The following GRID1 variants were observed in gnomAD, a reference collection of about 807,000 sequenced individuals.
GRID1 encodes glutamate receptor ionotropic, delta-1.
A neutral mutation model predicts 98.0 loss-of-function variants in GRID1; 28 were observed. That is an observed-to-expected ratio of 0.29 (90% CI 0.21 to 0.39). GRID1 has a LOEUF of 0.39. GRID1 is among the 10% of genes least tolerant of loss of function. The pLI is 1.00. For synonymous variants in GRID1, 553 were observed against 538.5 expected, an observed-to-expected ratio of 1.03 and a Z score of -0.37; for missense variants, 1,111 against 1,340.5, an observed-to-expected ratio of 0.83 and a Z score of 2.67.
chr10:86,364,197 T>C (rs1191361239), intron 1 of GRID1, 101 bp from the exon 2 acceptor site: 4 of 939,314 alleles, frequency 4.3e-6, no homozygotes, highest in Non-Finnish European at 6.5e-6. Context: ...GATTGCCGGG[T>C]GGTGGGAAGT....
chr10:85,937,526 G>A (rs761599648), intron 4 of GRID1, among the ~76,000 whole-genome samples: 2 of 152,200 alleles, frequency 1.3e-5, no homozygotes, highest in Non-Finnish European at 2.9e-5. Flanking sequence ...TCTGCTCAGA[G>A]TTCACCTTGT....
intron 2 of GRID1, among the ~76,000 whole-genome samples, chr10:86,207,787 ATG>A: frequency 6.6e-6 from 1 of 151,858 alleles, no homozygotes; most frequent in African/African-American, 2.4e-5. Flanking sequence ...ACGCGCCACC[ATG>A]CCCGGCTAAT....
At chr10:86,316,430 A>G (rs1181830328) in intron 2 of GRID1, among the ~76,000 whole-genome samples, 1 of 152,232 alleles carries the variant, frequency 6.6e-6, no homozygotes, top group Non-Finnish European at 1.5e-5. Flanking sequence ...GAGATACAAC[A>G]ATCCCCCCCA....
intron 13 of GRID1, among the ~76,000 whole-genome samples, chr10:85,626,534 C>T (rs1842914262): frequency 6.6e-6 from 1 of 152,184 alleles, no homozygotes; most frequent in South Asian, 2.1e-4. Flanking sequence ...ATGGGGTCTG[C>T]CCCTTCTCTG....
intron 12 of GRID1, among the ~76,000 whole-genome samples, chr10:85,698,523 T>C (rs922160464): frequency 6.6e-6 from 1 of 150,596 alleles, no homozygotes; most frequent in African/African-American, 2.5e-5. Flanking sequence ...CTGAATCATA[T>C]TCCATTGTCT....
At chr10:86,196,648 C>G (rs1466389162) in intron 3 of GRID1, among the ~76,000 whole-genome samples, 1 of 152,072 alleles carries the variant, frequency 6.6e-6, no homozygotes, top group Admixed American at 6.6e-5. Context: ...GTTTTGTAGT[C>G]ATTCTTGACT....
intron 12 of GRID1, among the ~76,000 whole-genome samples, chr10:85,706,378 T>A (rs1240269288): frequency 1.3e-5 from 2 of 152,002 alleles, no homozygotes; most frequent in African/African-American, 4.8e-5. Flanking sequence ...TCAAAGAGAA[T>A]AAAATACCTA....
At chr10:85,608,630 A>G (rs1410390477) in intron 15 of GRID1, among the ~76,000 whole-genome samples, 2 of 152,188 alleles carry the variant, frequency 1.3e-5, no homozygotes, top group Non-Finnish European at 2.9e-5. Context: ...CCACTGTTCC[A>G]GAGAGAAGGC....
chr10:85,672,220 C>T (rs569273556), intron 12 of GRID1, among the ~76,000 whole-genome samples: 23 of 152,192 alleles, frequency 1.5e-4, no homozygotes, highest in Admixed American at 3.3e-4. Context: ...TTGTTAGAAA[C>T]TAGTGCAGCT....
chr10:85,633,473 A>T (rs1842997520), intron 13 of GRID1, among the ~76,000 whole-genome samples: 1 of 152,230 alleles, frequency 6.6e-6, no homozygotes, highest in South Asian at 2.1e-4. Flanking sequence ...CCTGAGGCCA[A>T]GGTGGCTTTG....
At chr10:85,820,063 C>A (rs748821975) in intron 8 of GRID1, among the ~76,000 whole-genome samples, 421 of 100,060 alleles carry the variant, frequency 4.2e-3, no homozygotes, top group African/African-American at 0.013. Flanking sequence ...GGCAGGCAGG[C>A]AGGCAGGAAG....
chr10:85,612,164 C>A (rs1373444661), intron 15 of GRID1, among the ~76,000 whole-genome samples: 1 of 152,174 alleles, frequency 6.6e-6, no homozygotes, highest in Admixed American at 6.5e-5. Flanking sequence ...GGGACGCCCA[C>A]CCCTGTCCTC....
intron 5 of GRID1, among the ~76,000 whole-genome samples, chr10:85,872,725 C>T (rs1843290956): frequency 6.6e-6 from 1 of 152,192 alleles, no homozygotes; most frequent in African/African-American, 2.4e-5. Context: ...TTCTTGAAGG[C>T]TCCCTTTCCA....
intron 4 of GRID1, among the ~76,000 whole-genome samples, chr10:85,962,119 C>T (rs1228618200): frequency 2.0e-5 from 3 of 152,160 alleles, no homozygotes; most frequent in Non-Finnish European, 4.4e-5. Context: ...CACTCGCTCT[C>T]CTTTGGTCAG....
chr10:85,997,290 C>T (rs1842750258), intron 4 of GRID1, among the ~76,000 whole-genome samples: 1 of 151,968 alleles, frequency 6.6e-6, no homozygotes, highest in African/African-American at 2.4e-5. Flanking sequence ...ATCCCAACTA[C>T]TCGGGAGGCT....
intron 4 of GRID1, among the ~76,000 whole-genome samples, chr10:85,933,234 A>G (rs139156672): frequency 1.6e-3 from 245 of 149,244 alleles, no homozygotes; most frequent in African/African-American, 5.8e-3. Flanking sequence ...CAGACTCCTC[A>G]ACTTTGGACT....
At chr10:86,089,749 ATT>A (rs35775469) in intron 4 of GRID1, among the ~76,000 whole-genome samples, 1 of 147,338 alleles carries the variant, frequency 6.8e-6, no homozygotes. Context: ...ACAAAAAAAA[ATT>A]TTTTTTTTTT....
At chr10:85,933,381 G>T (rs1260922454) in intron 4 of GRID1, among the ~76,000 whole-genome samples, 2 of 151,800 alleles carry the variant, frequency 1.3e-5, no homozygotes, top group Admixed American at 6.6e-5. Context: ...TGAGGGACGG[G>T]TATACAGATT....
In GRID1 at chr10:85,931,873, T is replaced by G. The variant is rs114044875; in HGVS notation, c.727-15634A>C. ...ACTTCCTGTCCTTTGCAATGGAAGA[T>G]TCCCCAATGTCAGCATTTGGAGGTA... On this transcript the variant is annotated intron_variant, in intron 4 of 15. Coordinates refer to ENST00000327946, the MANE Select transcript of GRID1 (RefSeq NM_017551.3). Among the ~76,000 whole-genome samples, 616 of 152,308 alleles carry G rather than the reference T, an allele frequency of 4.0e-3. 5 individuals are homozygous for G. The highest frequency in any genetic ancestry group is 0.014 in the African/African-American group (591 of 41,562).
Sources: allele counts gnomAD v4.1 joint callset (sites outside exome capture counted in the v4.1 genomes callset), GRCh38; gene constraint gnomAD v4.1.1; transcripts MANE v1.5; gene names NCBI Gene and HGNC (gene_info 2026-07-23, HGNC 2026-07-21).